The following SUGCT variants were observed in gnomAD, a reference collection of about 807,000 sequenced individuals.
SUGCT encodes succinyl-CoA:glutarate CoA-transferase.
SUGCT carries 41 observed loss-of-function variants against 55.0 expected under a neutral mutation model. The ratio of observed to expected loss-of-function variants is 0.74; its 90% CI spans 0.58 to 0.97. The LOEUF (loss-of-function observed/expected upper bound fraction) is 0.97. Ranked by LOEUF, SUGCT falls within the 50% of genes least tolerant of loss-of-function variation. The pLI, the probability that SUGCT is intolerant of heterozygous loss-of-function variation, is 0.00. For synonymous variants in SUGCT, 187 were observed against 200.4 expected, an observed-to-expected ratio of 0.93 and a Z score of 0.56; for missense variants, 568 against 547.8, an observed-to-expected ratio of 1.04 and a Z score of -0.37.
At chr7:40,431,768 A>G (rs1290515780) in intron 9 of SUGCT, among the ~76,000 whole-genome samples, 2 of 152,052 alleles carry the variant, frequency 1.3e-5, no homozygotes, top group African/African-American at 4.8e-5. Context: ...TTCTATTTAG[A>G]TATTTTATTT....
the SUGCT span, among the ~76,000 whole-genome samples, chr7:40,898,679 G>A: frequency 3.3e-5 from 5 of 151,756 alleles, no homozygotes; most frequent in African/African-American, 9.7e-5. Flanking sequence ...AGCAGAGATC[G>A]CGCCGCGAGA....
chr7:40,370,050 A>T (rs1347271979), intron 9 of SUGCT, among the ~76,000 whole-genome samples: 1 of 152,142 alleles, frequency 6.6e-6, no homozygotes, highest in Non-Finnish European at 1.5e-5. Context: ...CACTCTGGGT[A>T]TGTTGGATCC....
chr7:40,250,506 C>G (rs753829639), intron 7 of SUGCT, among the ~76,000 whole-genome samples: 1 of 151,884 alleles, frequency 6.6e-6, no homozygotes, highest in Admixed American at 6.6e-5. Flanking sequence ...CTCATCTCAT[C>G]AGTCAGAAGT....
At chr7:40,950,047 A>G in the SUGCT span, among the ~76,000 whole-genome samples, 1 of 152,220 alleles carries the variant, frequency 6.6e-6, no homozygotes, top group Non-Finnish European at 1.5e-5. Flanking sequence ...TACCTTGGGC[A>G]GTATGGCCAT....
At chr7:40,246,860 A>C (rs1402081152) in intron 7 of SUGCT, among the ~76,000 whole-genome samples, 1 of 152,016 alleles carries the variant, frequency 6.6e-6, no homozygotes. Context: ...CAGCCTCCCA[A>C]AGTGCTGAGA....
At chr7:40,631,207 A>C (rs1380368648) in intron 12 of SUGCT, among the ~76,000 whole-genome samples, 1 of 152,140 alleles carries the variant, frequency 6.6e-6, no homozygotes, top group East Asian at 1.9e-4. Flanking sequence ...GCACAGCTTT[A>C]CTTTCAGTGA....
chr7:40,690,385 A>G (rs1343917255), intron 12 of SUGCT, among the ~76,000 whole-genome samples: 2 of 152,278 alleles, frequency 1.3e-5, no homozygotes, highest in East Asian at 3.9e-4. Flanking sequence ...TAAATCAAAT[A>G]TTATCTTTCG....
intron 13 of SUGCT, among the ~76,000 whole-genome samples, chr7:40,844,154 T>C (rs1793434884): frequency 6.6e-6 from 1 of 152,028 alleles, no homozygotes; most frequent in Non-Finnish European, 1.5e-5. Context: ...TGGGAAGGGG[T>C]GTCTGCAACT....
At chr7:40,563,092 A>G (rs1795929913) in intron 12 of SUGCT, among the ~76,000 whole-genome samples, 2 of 152,100 alleles carry the variant, frequency 1.3e-5, no homozygotes, top group Admixed American at 1.3e-4. Context: ...GCACATGCAC[A>G]TGCACCTGAA....
At chr7:40,434,836 A>G (rs759600541) in intron 9 of SUGCT, among the ~76,000 whole-genome samples, 4 of 152,112 alleles carry the variant, frequency 2.6e-5, no homozygotes, top group African/African-American at 4.8e-5. Flanking sequence ...ATAAATGTCT[A>G]TACATATATC....
chr7:40,190,203 T>G (rs933860865), intron 5 of SUGCT, among the ~76,000 whole-genome samples: 1 of 152,182 alleles, frequency 6.6e-6, no homozygotes, highest in Non-Finnish European at 1.5e-5. Context: ...ACATAACTTC[T>G]TTGTGTCTCA....
chr7:40,390,649 G>A (rs574297410), intron 9 of SUGCT, among the ~76,000 whole-genome samples: 17 of 152,242 alleles, frequency 1.1e-4, no homozygotes, highest in African/African-American at 3.9e-4. Flanking sequence ...CAAACAAATG[G>A]AAGAACTTTC....
chr7:40,653,595 T>A (rs187209013), intron 12 of SUGCT, among the ~76,000 whole-genome samples: 9 of 152,220 alleles, frequency 5.9e-5, no homozygotes, highest in African/African-American at 2.2e-4. Flanking sequence ...CATCTCCTTT[T>A]CCCTCCCTTT....
the SUGCT span, among the ~76,000 whole-genome samples, chr7:40,952,939 G>T: frequency 6.6e-6 from 1 of 152,154 alleles, no homozygotes; most frequent in Non-Finnish European, 1.5e-5. Context: ...TCTTGGAGTT[G>T]CTCTTCTCGA....
the SUGCT span, among the ~76,000 whole-genome samples, chr7:40,973,191 G>A: frequency 6.6e-6 from 1 of 152,188 alleles, no homozygotes; most frequent in African/African-American, 2.4e-5. Flanking sequence ...TACCCATGAG[G>A]CCTAAGCCCC....
chr7:40,879,252 T>A, the SUGCT span, among the ~76,000 whole-genome samples: 1 of 152,234 alleles, frequency 6.6e-6, no homozygotes, highest in African/African-American at 2.4e-5. Context: ...AGGCAAAATT[T>A]TAAAACATAT....
the SUGCT span, among the ~76,000 whole-genome samples, chr7:40,993,524 C>T: frequency 1.3e-5 from 2 of 152,120 alleles, no homozygotes; most frequent in African/African-American, 4.8e-5. Flanking sequence ...TCACTGGTTC[C>T]CTTCATTGTT....
At chr7:40,836,742 A>C (rs1178433193) in intron 13 of SUGCT, among the ~76,000 whole-genome samples, 1 of 152,198 alleles carries the variant, frequency 6.6e-6, no homozygotes, top group Admixed American at 6.5e-5. Context: ...TTCACTTAGC[A>C]TAATTTCCTT....
chr7:40,380,113 A>C (rs879658898), intron 9 of SUGCT, among the ~76,000 whole-genome samples: 1 of 152,176 alleles, frequency 6.6e-6, no homozygotes, highest in Non-Finnish European at 1.5e-5. Context: ...AGGTCAAATA[A>C]TGACAATTCT....
Sources: gnomAD v4.1 joint callset for allele counts (sites outside exome capture counted in the v4.1 genomes callset) on GRCh38, gnomAD v4.1.1 for gene constraint, MANE v1.5 for transcripts, NCBI Gene and HGNC (gene_info 2026-07-23, HGNC 2026-07-21) for gene names.